XPO4: variants seen among roughly 807,000 people sequenced by gnomAD.
XPO4 encodes the protein exportin 4, also known as exportin-4.
A neutral mutation model predicts 143.0 loss-of-function variants in XPO4; 39 were observed. The ratio of observed to expected loss-of-function variants is 0.27; its 90% CI spans 0.21 to 0.36. The LOEUF (loss-of-function observed/expected upper bound fraction) is 0.36, where lower values mean the gene tolerates loss of function less well. XPO4 is among the 10% of genes least tolerant of loss of function. The pLI, the probability that XPO4 is intolerant of heterozygous loss-of-function variation, is 1.00. For missense variants in XPO4, 907 were observed against 1,348.0 expected, an observed-to-expected ratio of 0.67 and a Z score of 5.12; for synonymous variants, 439 against 474.0, an observed-to-expected ratio of 0.93 and a Z score of 0.96.
At chr13:20,858,337 A>T (rs1183052361) in intron 3 of XPO4, among the ~76,000 whole-genome samples, 2 of 152,230 alleles carry the variant, frequency 1.3e-5, no homozygotes, top group Non-Finnish European at 2.9e-5. Context: ...AATTATATCA[A>T]GAGTATTGAG....
intron 2 of XPO4, among the ~76,000 whole-genome samples, chr13:20,867,132 C>T (rs2060251390): frequency 1.3e-5 from 2 of 152,186 alleles, no homozygotes. Context: ...AGTTAAATAT[C>T]CTCCACAGGT....
At chr13:20,799,130 C>T (rs778237089) in intron 16 of XPO4, 35 bp downstream of exon 16, 10 of 1,531,586 alleles carry the variant, frequency 6.5e-6, no homozygotes, top group Non-Finnish European at 6.2e-6. Flanking sequence ...CAGAGTTACA[C>T]AAAAGGGTGC....
In XPO4 at chr13:20,842,926, T is replaced by C. The variant is rs749761880; in HGVS notation, c.696A>G (p.Gln232=). 5 of 1,612,062 alleles carry C rather than the reference T, an allele frequency of 3.1e-6. No homozygotes were observed. The African/African-American group carries it at 4.0e-5, about 13-fold the overall frequency. ...GAGGAAGAAAGTTCCAGCTCAAGAC[T>C]TGATTGGCGAGTGCAAGGTAACGCT... ...VFQRYLALAN[Q]VLSWNFLPPN... Residue 232 remains glutamine, a synonymous_variant, in exon 6 of 23, where the codon CAA becomes CAG. Transcript: ENST00000255305.
intron 1 of XPO4, among the ~76,000 whole-genome samples, chr13:20,893,536 G>T (rs1455118580): frequency 6.6e-6 from 1 of 152,058 alleles, no homozygotes; most frequent in Admixed American, 6.6e-5. Flanking sequence ...TCAGGAGTTC[G>T]AGACCAGTCT....
chr13:20,800,385 A>T, intron 14 of XPO4, 60 bp from the exon 15 acceptor site: 1 of 1,526,256 alleles, frequency 6.6e-7, no homozygotes, highest in Non-Finnish European at 8.9e-7. Flanking sequence ...AGAAAAAAAA[A>T]ACAGAGAAAA....
intron 3 of XPO4, among the ~76,000 whole-genome samples, chr13:20,857,218 A>G (rs999495772): frequency 6.6e-6 from 1 of 152,216 alleles, no homozygotes; most frequent in African/African-American, 2.4e-5. Flanking sequence ...GACTACTACT[A>G]GAAAATGTAC....
At chr13:20,883,152 T>A (rs2060429515) in intron 1 of XPO4, among the ~76,000 whole-genome samples, 1 of 152,200 alleles carries the variant, frequency 6.6e-6, no homozygotes, top group South Asian at 2.1e-4. Flanking sequence ...TTCCCTTACA[T>A]CTTACCCCTC....
chr13:20,808,665 A>G (rs2059538295), intron 11 of XPO4, 84 bp from the exon 12 acceptor site: 1 of 1,185,170 alleles, frequency 8.4e-7, no homozygotes, highest in East Asian at 2.5e-5. Flanking sequence ...ATTAGACAAC[A>G]TGAATTGAAT....
chr13:20,856,859 A>G, intron 3 of XPO4: 1 of 985,420 alleles, frequency 1.0e-6, no homozygotes, highest in Non-Finnish European at 1.2e-6. Flanking sequence ...CACTTTCTCC[A>G]GAAAGTTATT....
chr13:20,886,889 A>C (rs9506570), intron 1 of XPO4, among the ~76,000 whole-genome samples: 64,789 of 151,580 alleles, frequency 0.43, 14,429 homozygotes, highest in Non-Finnish European at 0.49. Context: ...GCCTGACCAA[A>C]ATGGAGAAAC....
At chr13:20,849,073 T>C (rs2060058047) in intron 4 of XPO4, 3 of 985,410 alleles carry the variant, frequency 3.0e-6, no homozygotes, top group Non-Finnish European at 3.6e-6. Context: ...CAGCTTACTG[T>C]CACAAGCCCA....
intron 2 of XPO4, among the ~76,000 whole-genome samples, chr13:20,864,039 A>G (rs2060224267): frequency 6.6e-6 from 1 of 152,184 alleles, no homozygotes; most frequent in Admixed American, 6.5e-5. Context: ...AACCACTAAG[A>G]GAAACCAATT....
chr13:20,785,542 G>A (rs1307934628), intron 22 of XPO4, among the ~76,000 whole-genome samples: 1 of 151,970 alleles, frequency 6.6e-6, no homozygotes, highest in Non-Finnish European at 1.5e-5. Flanking sequence ...GTGCACACCT[G>A]TAGTCCCAGC....
chr13:20,830,921 GT>G (rs2059845118), intron 6 of XPO4, among the ~76,000 whole-genome samples: 1 of 151,924 alleles, frequency 6.6e-6, no homozygotes, highest in Non-Finnish European at 1.5e-5. Flanking sequence ...AACAAAACTA[GT>G]GAAGAGCATA....
At chr13:20,868,510 A>C in intron 2 of XPO4, 86 bp downstream of exon 2, 1 of 1,481,144 alleles carries the variant, frequency 6.8e-7, no homozygotes, top group Non-Finnish European at 8.9e-7. Context: ...GTTTTTAAAA[A>C]GGAATTTAAA....
intron 9 of XPO4, among the ~76,000 whole-genome samples, chr13:20,820,158 T>A (rs2059701082): frequency 6.6e-6 from 1 of 152,234 alleles, no homozygotes; most frequent in South Asian, 2.1e-4. Flanking sequence ...ACCTGTTAGG[T>A]TCATCTTCAC....
chr13:20,873,214 C>T (rs1226628576), intron 1 of XPO4, among the ~76,000 whole-genome samples: 3 of 152,058 alleles, frequency 2.0e-5, no homozygotes, highest in Middle Eastern at 3.2e-3. Context: ...TCAGCATGAC[C>T]CTCCAAGCCC....
chr13:20,902,382 G>C, intron 1 of XPO4: 1 of 985,374 alleles, frequency 1.0e-6, no homozygotes, highest in South Asian at 4.7e-5. Context: ...CCAGTCTGTG[G>C]GGCAGGGTGT....
At position 20,795,022 on chromosome 13, in the gene XPO4, A is replaced by G. The variant is rs2059338262; in HGVS notation, c.2797+1054T>C. ...CCCAAGAATTTAAAAAAAAAAAAAA[A>G]AGACATGGTCCAGTGAATAAGGAAT... On this transcript the variant is annotated intron_variant, in intron 18 of 22. Transcript: ENST00000255305. 3.9e-5 allele frequency among the ~76,000 whole-genome samples: 6 copies of G among 151,928 alleles called. No homozygotes were observed. The South Asian group carries it at 1.2e-3, about 32-fold the overall frequency.
Sources: gnomAD v4.1 joint callset for allele counts (sites outside exome capture counted in the v4.1 genomes callset) on GRCh38, gnomAD v4.1.1 for gene constraint, MANE v1.5 for transcripts, NCBI Gene and HGNC (gene_info 2026-07-23, HGNC 2026-07-21) for gene names.